The following LUZP2 variants were observed in gnomAD, a reference collection of about 807,000 sequenced individuals.
LUZP2 encodes the protein leucine zipper protein 2.
In LUZP2, 52 loss-of-function variants were observed where a neutral mutation model predicts 51.6. The observed-to-expected ratio is 1.01, with a 90% confidence interval of 0.81 to 1.27. The LOEUF (loss-of-function observed/expected upper bound fraction) is 1.27, where lower values mean the gene tolerates loss of function less well. LUZP2 is among the 50% of genes most tolerant of loss of function. LUZP2 has a pLI of 0.00. For missense variants in LUZP2, 436 were observed against 395.4 expected, an observed-to-expected ratio of 1.10 and a Z score of -0.87; for synonymous variants, 154 against 137.3, an observed-to-expected ratio of 1.12 and a Z score of -0.85.
intron 9 of LUZP2, among the ~76,000 whole-genome samples, chr11:24,988,783 G>A (rs1856253744): frequency 6.6e-6 from 1 of 151,822 alleles, no homozygotes; most frequent in Non-Finnish European, 1.5e-5. Context: ...CAATGCTTAG[G>A]GATATACGTG....
intron 6 of LUZP2, among the ~76,000 whole-genome samples, chr11:24,910,765 G>A (rs891486268): frequency 1.3e-5 from 2 of 152,166 alleles, no homozygotes; most frequent in Admixed American, 1.3e-4. Context: ...TGGGTTTGGA[G>A]TTCTACACAG....
chr11:25,027,949 G>A (rs1565249988), intron 9 of LUZP2, among the ~76,000 whole-genome samples: 1 of 151,684 alleles, frequency 6.6e-6, no homozygotes. Context: ...AAGTTCCCCA[G>A]TTCGGAGTTC....
chr11:24,842,681 C>T (rs971587874), intron 5 of LUZP2, among the ~76,000 whole-genome samples: 3 of 151,782 alleles, frequency 2.0e-5, no homozygotes, highest in Admixed American at 1.3e-4. Flanking sequence ...ACTCTTTGGT[C>T]AGGGAAGAAA....
At chr11:24,693,502 C>G (rs1466192098) in intron 1 of LUZP2, among the ~76,000 whole-genome samples, 1 of 151,694 alleles carries the variant, frequency 6.6e-6, no homozygotes, top group Non-Finnish European at 1.5e-5. Context: ...TAAAAGGAAA[C>G]TAAATCTATG....
intron 7 of LUZP2, among the ~76,000 whole-genome samples, chr11:24,970,107 C>G (rs991139342): frequency 6.6e-6 from 1 of 152,114 alleles, no homozygotes; most frequent in Non-Finnish European, 1.5e-5. Flanking sequence ...TTCTGTGTCT[C>G]TGGTAGGTTT....
chr11:24,552,055 A>T (rs907398879), intron 1 of LUZP2, among the ~76,000 whole-genome samples: 1 of 151,916 alleles, frequency 6.6e-6, no homozygotes. Context: ...AACAGAAAAA[A>T]CCCAAAAACT....
intron 1 of LUZP2, among the ~76,000 whole-genome samples, chr11:24,612,883 A>G (rs1161390834): frequency 1.3e-5 from 2 of 152,038 alleles, no homozygotes; most frequent in Non-Finnish European, 2.9e-5. Context: ...CCTTTCTCCA[A>G]TAGACATCTA....
At chr11:24,543,267 ATAACT>A (rs1297399425) in intron 1 of LUZP2, among the ~76,000 whole-genome samples, 5 of 152,050 alleles carry the variant, frequency 3.3e-5, no homozygotes, top group Non-Finnish European at 7.4e-5. Context: ...CTTACTCCAG[ATAACT>A]TAGCAACCCT....
chr11:24,848,373 T>A (rs950619993), intron 5 of LUZP2, among the ~76,000 whole-genome samples: 7 of 152,152 alleles, frequency 4.6e-5, no homozygotes, highest in African/African-American at 1.7e-4. Context: ...ATTTGTTTGC[T>A]CAATTTGCTT....
At chr11:24,860,904 C>T (rs191995860) in intron 5 of LUZP2, among the ~76,000 whole-genome samples, 6 of 152,240 alleles carry the variant, frequency 3.9e-5, no homozygotes, top group Admixed American at 3.9e-4. Context: ...CTTTTCTCCT[C>T]CAAATGATCG....
At chr11:25,030,939 T>TATATATATTATATATATA (rs1857645184) in intron 9 of LUZP2, among the ~76,000 whole-genome samples, 5 of 20,898 alleles carry the variant, frequency 2.4e-4, no homozygotes, top group African/African-American at 4.7e-4. Flanking sequence ...TAATATATAT[T>TATATATATTATATATATA]ATATATATTA....
intron 1 of LUZP2, among the ~76,000 whole-genome samples, chr11:24,635,250 A>G (rs1209292327): frequency 1.3e-5 from 2 of 152,158 alleles, no homozygotes; most frequent in African/African-American, 4.8e-5. Context: ...TTTTGTAAAT[A>G]AAAAGAAATA....
chr11:24,991,396 G>GTATATATATATATATATA (rs58483878), intron 9 of LUZP2, among the ~76,000 whole-genome samples: 7 of 124,966 alleles, frequency 5.6e-5, no homozygotes, highest in South Asian at 2.7e-4. Flanking sequence ...GTGTGTGTGT[G>GTATATATATATATATATA]TATATATATA....
intron 9 of LUZP2, among the ~76,000 whole-genome samples, chr11:24,998,203 C>T (rs1266129869): frequency 6.6e-6 from 1 of 152,112 alleles, no homozygotes; most frequent in African/African-American, 2.4e-5. Context: ...CTGTAAATTA[C>T]CTTGGGCAGT....
chr11:25,057,331 C>T (rs1313224794), intron 10 of LUZP2, among the ~76,000 whole-genome samples: 1 of 152,106 alleles, frequency 6.6e-6, no homozygotes, highest in African/African-American at 2.4e-5. Context: ...GTAAACCAGG[C>T]AGGGTCACTT....
intron 7 of LUZP2, among the ~76,000 whole-genome samples, chr11:24,932,744 T>C (rs540166842): frequency 6.6e-6 from 1 of 152,220 alleles, no homozygotes; most frequent in Admixed American, 6.5e-5. Flanking sequence ...GAAAAGGCAA[T>C]TGGGTTTTCA....
chr11:24,530,948 C>T (rs1319436353), intron 1 of LUZP2, among the ~76,000 whole-genome samples: 2 of 149,574 alleles, frequency 1.3e-5, no homozygotes, highest in African/African-American at 4.9e-5. Context: ...AATTACATGG[C>T]TCCCTATAAC....
At chr11:24,799,838 T>C (rs1849646976) in intron 5 of LUZP2, among the ~76,000 whole-genome samples, 1 of 152,162 alleles carries the variant, frequency 6.6e-6, no homozygotes, top group African/African-American at 2.4e-5. Flanking sequence ...AGTAATATTT[T>C]AGTAGTAGTA....
chr11:24,862,864 A>T (rs1264640249), intron 5 of LUZP2, among the ~76,000 whole-genome samples: 1 of 152,242 alleles, frequency 6.6e-6, no homozygotes, highest in Non-Finnish European at 1.5e-5. Flanking sequence ...ATTCAAAAAT[A>T]CAAATAACCA....
Sources: gnomAD v4.1 joint callset for allele counts (sites outside exome capture counted in the v4.1 genomes callset) on GRCh38, gnomAD v4.1.1 for gene constraint, MANE v1.5 for transcripts, NCBI Gene and HGNC (gene_info 2026-07-23, HGNC 2026-07-21) for gene names.